Variants in HS2ST1 observed in about 807,000 individuals in gnomAD.
HS2ST1 encodes heparan sulfate 2-O-sulfotransferase 1.
HS2ST1 carries 18 observed loss-of-function variants against 42.9 expected under a neutral mutation model. That is an observed-to-expected ratio of 0.42 (90% CI 0.29 to 0.62). The LOEUF (loss-of-function observed/expected upper bound fraction) is 0.62. HS2ST1 is among the 20% of genes least tolerant of loss of function. The probability of loss-of-function intolerance (pLI) is 0.21; values close to 1 mark genes in which losing one functional copy is unlikely to be tolerated. For synonymous variants in HS2ST1, 146 were observed against 152.9 expected (o/e 0.95, Z 0.33); for missense variants, 334 against 433.8 (o/e 0.77, Z 2.04).
chr1:86,990,625 G>C (rs1440124894), intron 1 of HS2ST1, among the ~76,000 whole-genome samples: 2 of 151,288 alleles, frequency 1.3e-5, no homozygotes, highest in African/African-American at 4.9e-5. Context: ...ATTCAATCCA[G>C]ATAATTATTG....
intron 1 of HS2ST1, among the ~76,000 whole-genome samples, chr1:86,917,392 G>A (rs1232845580): frequency 6.6e-6 from 1 of 151,996 alleles, no homozygotes; most frequent in Non-Finnish European, 1.5e-5. Context: ...GGTGGCGGGC[G>A]CCTGTAATCC....
intron 1 of HS2ST1, among the ~76,000 whole-genome samples, chr1:86,945,329 G>A (rs1647298880): frequency 6.6e-6 from 1 of 152,174 alleles, no homozygotes; most frequent in Non-Finnish European, 1.5e-5. Flanking sequence ...TCATCGAAAT[G>A]AGTTTCTGGT....
chr1:87,045,617 G>A (rs919111629), intron 1 of HS2ST1: 1 of 778,104 alleles, frequency 1.3e-6, no homozygotes, highest in Middle Eastern at 2.3e-4. Context: ...TTCTGCAGTG[G>A]TCTATTTTTC....
intron 1 of HS2ST1, among the ~76,000 whole-genome samples, chr1:87,054,196 A>C (rs571370010): frequency 1.3e-5 from 2 of 152,310 alleles, no homozygotes; most frequent in South Asian, 4.1e-4. Context: ...TAATAGGTCA[A>C]ATAGCCTATT....
At chr1:87,096,704 A>G (rs1319717577) in intron 4 of HS2ST1, among the ~76,000 whole-genome samples, 1 of 152,124 alleles carries the variant, frequency 6.6e-6, no homozygotes, top group Non-Finnish European at 1.5e-5. Context: ...TGAGAACGAG[A>G]ATTGCCTTCA....
At chr1:87,063,648 G>T (rs1425923255) in intron 1 of HS2ST1, among the ~76,000 whole-genome samples, 1 of 151,842 alleles carries the variant, frequency 6.6e-6, no homozygotes, top group Non-Finnish European at 1.5e-5. Flanking sequence ...TTCTTTTTTT[G>T]TATCTTCATT....
intron 5 of HS2ST1, chr1:87,098,370 T>C: frequency 1.0e-6 from 1 of 968,838 alleles, no homozygotes; most frequent in Non-Finnish European, 1.2e-6. Context: ...GCCAAGGTTA[T>C]GGCTGTGGTT....
chr1:87,060,027 A>G (rs1297831476), intron 1 of HS2ST1, among the ~76,000 whole-genome samples: 1 of 152,102 alleles, frequency 6.6e-6, no homozygotes, highest in Non-Finnish European at 1.5e-5. Context: ...TTTTTTCCCT[A>G]TTCAAGAATG....
chr1:86,958,591 T>C (rs1647738880), intron 1 of HS2ST1: 1 of 152,214 alleles, frequency 6.6e-6, no homozygotes, highest in Non-Finnish European at 1.5e-5. Context: ...TGCATATTAT[T>C]ACCTACATTT....
intron 1 of HS2ST1, among the ~76,000 whole-genome samples, chr1:86,996,502 T>G (rs2100565029): frequency 6.6e-6 from 1 of 151,708 alleles, no homozygotes; most frequent in East Asian, 1.9e-4. Context: ...TTCATAAGTA[T>G]TTGTGTTGCA....
chr1:87,014,286 G>C (rs893774152), intron 1 of HS2ST1, among the ~76,000 whole-genome samples: 1 of 152,198 alleles, frequency 6.6e-6, no homozygotes, highest in African/African-American at 2.4e-5. Flanking sequence ...TGAAGGTGAA[G>C]CAAGACATGT....
intron 1 of HS2ST1, among the ~76,000 whole-genome samples, chr1:86,990,812 T>TTATATATATATATATATATATATA (rs57401994): frequency 9.8e-5 from 1 of 10,246 alleles, no homozygotes; most frequent in African/African-American, 1.5e-4. Context: ...CTGGCTAATT[T>TTATATATATATATATATATATATA]TATATATATA....
intron 1 of HS2ST1, among the ~76,000 whole-genome samples, chr1:87,056,247 A>G (rs1160444238): frequency 6.6e-6 from 1 of 152,202 alleles, no homozygotes; most frequent in Non-Finnish European, 1.5e-5. Flanking sequence ...TATTTTCTGC[A>G]TATGTCAGTT....
At chr1:87,047,079 G>A (rs1650699353) in intron 1 of HS2ST1, among the ~76,000 whole-genome samples, 1 of 151,996 alleles carries the variant, frequency 6.6e-6, no homozygotes, top group Non-Finnish European at 1.5e-5. Flanking sequence ...ATTCCCACCA[G>A]CAGTTCATGA....
intron 3 of HS2ST1, among the ~76,000 whole-genome samples, chr1:87,086,948 G>A (rs546639844): frequency 5.3e-5 from 8 of 151,808 alleles, no homozygotes; most frequent in African/African-American, 1.9e-4. Context: ...AAATTTTCCA[G>A]TTTAAAATTG....
chr1:87,068,842 AT>A (rs1651322303), intron 1 of HS2ST1, among the ~76,000 whole-genome samples: 1 of 152,134 alleles, frequency 6.6e-6, no homozygotes. Flanking sequence ...GAAAATATGT[AT>A]TTTTTATTTT....
intron 1 of HS2ST1, among the ~76,000 whole-genome samples, chr1:86,919,735 T>C (rs1341189008): frequency 6.6e-6 from 1 of 152,226 alleles, no homozygotes; most frequent in Non-Finnish European, 1.5e-5. Context: ...CACAGATTTA[T>C]AGTAGATGTT....
intron 1 of HS2ST1, chr1:86,932,446 T>G (rs752196022): frequency 6.6e-6 from 1 of 152,156 alleles, no homozygotes; most frequent in African/African-American, 2.4e-5. Flanking sequence ...TCTTATTTTA[T>G]AGGCAAAGCA....
At chr1:87,095,206 A>G (rs535303709) in intron 4 of HS2ST1, among the ~76,000 whole-genome samples, 3 of 152,288 alleles carry the variant, frequency 2.0e-5, no homozygotes, top group Admixed American at 2.0e-4. Context: ...CTAAAGCTGG[A>G]CAGGTTTTAG....
Sources: allele counts gnomAD v4.1 joint callset (sites outside exome capture counted in the v4.1 genomes callset), GRCh38; gene constraint gnomAD v4.1.1; transcripts MANE v1.5; gene names NCBI Gene and HGNC (gene_info 2026-07-23, HGNC 2026-07-21).